HERC3: variants seen among roughly 807,000 people sequenced by gnomAD.
HERC3 encodes probable E3 ubiquitin-protein ligase HERC3.
In HERC3, 58 loss-of-function variants were observed where a neutral mutation model predicts 129.9. That is an observed-to-expected ratio of 0.45 (90% CI 0.36 to 0.56). The LOEUF (loss-of-function observed/expected upper bound fraction) is 0.56. Ranked by LOEUF, HERC3 falls within the 20% of genes least tolerant of loss-of-function variation. The probability of loss-of-function intolerance (pLI) is 0.00; values close to 1 mark genes in which losing one functional copy is unlikely to be tolerated. For synonymous variants in HERC3, 430 were observed against 451.0 expected (o/e 0.95, Z 0.59); for missense variants, 835 against 1,244.2 (o/e 0.67, Z 4.95).
intron 3 of HERC3, among the ~76,000 whole-genome samples, chr4:88,647,064 G>T (rs574256068): frequency 1.3e-5 from 2 of 152,284 alleles, no homozygotes; most frequent in South Asian, 4.1e-4. Flanking sequence ...TGTAAGGAAT[G>T]CTATCAAAGG....
chr4:88,649,017 ATCT>A (rs1372849586), intron 3 of HERC3, among the ~76,000 whole-genome samples: 1 of 152,088 alleles, frequency 6.6e-6, no homozygotes, highest in Admixed American at 6.5e-5. Context: ...GAGTGGAAAT[ATCT>A]TCTTTGATTT....
chr4:88,640,008 A>G (rs1425897976), intron 3 of HERC3, among the ~76,000 whole-genome samples: 3 of 152,252 alleles, frequency 2.0e-5, no homozygotes, highest in Non-Finnish European at 2.9e-5. Context: ...AGAGAAATGC[A>G]GATCAAAACC....
chr4:88,617,200 A>T (rs2915429), intron 3 of HERC3, among the ~76,000 whole-genome samples: 53 of 145,638 alleles, frequency 3.6e-4, no homozygotes, highest in East Asian at 1.6e-3. Flanking sequence ...AAAAAAAAAA[A>T]AGAAATTGAG....
chr4:88,611,611 C>G (rs1350946939), intron 3 of HERC3, among the ~76,000 whole-genome samples: 3 of 152,164 alleles, frequency 2.0e-5, no homozygotes, highest in Admixed American at 6.5e-5. Context: ...TCCTCTAAGG[C>G]TTTGAGAGTG....
chr4:88,680,738 T>A (rs1732688078), intron 20 of HERC3, among the ~76,000 whole-genome samples: 1 of 152,242 alleles, frequency 6.6e-6, no homozygotes, highest in Non-Finnish European at 1.5e-5. Flanking sequence ...CACTAGGCAC[T>A]AGCCACATGT....
At chr4:88,622,993 G>A (rs1376756012) in intron 3 of HERC3, among the ~76,000 whole-genome samples, 1 of 152,092 alleles carries the variant, frequency 6.6e-6, no homozygotes, top group East Asian at 1.9e-4. Context: ...TTATTGCGAG[G>A]ATTAATTGAG....
Position 88,682,772 on chromosome 4 carries a change from G to A in HERC3, c.2507+1447G>A, listed in dbSNP as rs562554727. Among the ~76,000 whole-genome samples the A allele has an allele frequency of 8.3e-3, 1,262 of 152,072 alleles. 21 individuals are homozygous for A. The highest frequency in any genetic ancestry group is 0.029 in the African/African-American group (1,201 of 41,446). On this transcript the variant is annotated intron_variant, in intron 21 of 25. Coordinates refer to ENST00000402738, the MANE Select transcript of HERC3 (RefSeq NM_014606.3). ...AGTCTTTGCTATTGTGAATAGTGCC[G>A]CAATAAACATACGTGTGCATGTGTC... is the stretch of plus-strand genomic sequence containing the variant.
the HERC3 span, among the ~76,000 whole-genome samples, chr4:88,530,315 C>T: frequency 6.6e-6 from 1 of 152,016 alleles, no homozygotes; most frequent in Non-Finnish European, 1.5e-5. Flanking sequence ...AAAGCTATCC[C>T]TATTTTCAAG....
intron 13 of HERC3, 48 bp downstream of exon 13, chr4:88,667,536 A>T (rs183455248): frequency 9.9e-7 from 1 of 1,009,894 alleles, no homozygotes. Flanking sequence ...GCATTTTTGT[A>T]TCGATGAATT....
chr4:88,582,608 A>G, the HERC3 span, among the ~76,000 whole-genome samples: 1 of 152,378 alleles, frequency 6.6e-6, no homozygotes, highest in Non-Finnish European at 1.5e-5. Context: ...CAACCAGTCA[A>G]GATTAGTCAC....
chr4:88,609,112 CAAAAAA>C (rs35489177), intron 3 of HERC3, among the ~76,000 whole-genome samples: 1 of 89,746 alleles, frequency 1.1e-5, no homozygotes. Flanking sequence ...CATACAGATG[CAAAAAA>C]AAAAAAAAAA....
chr4:88,666,304 A>G (rs1043322018), intron 12 of HERC3, among the ~76,000 whole-genome samples: 4 of 152,160 alleles, frequency 2.6e-5, no homozygotes, highest in Admixed American at 6.6e-5. Flanking sequence ...CAAAATGAAG[A>G]CCAGATTTAC....
At chr4:88,652,245 T>TA (rs1468370152) in intron 5 of HERC3, among the ~76,000 whole-genome samples, 157 bp downstream of exon 5, 9 of 152,250 alleles carry the variant, frequency 5.9e-5, no homozygotes, top group Admixed American at 3.3e-4. Flanking sequence ...GGGCTTTGCA[T>TA]AGCTCATCCT....
At chr4:88,698,163 A>G (rs1734873694) in intron 23 of HERC3, among the ~76,000 whole-genome samples, 1 of 152,128 alleles carries the variant, frequency 6.6e-6, no homozygotes, top group South Asian at 2.1e-4. Context: ...AGGCCCTTCT[A>G]CAAATGCCAG....
the HERC3 span, among the ~76,000 whole-genome samples, chr4:88,584,588 C>T: frequency 5.3e-5 from 8 of 152,106 alleles, no homozygotes; most frequent in African/African-American, 1.9e-4. Flanking sequence ...GTTGTCACAG[C>T]GGGGGATTAA....
At chr4:88,555,197 T>A in the HERC3 span, among the ~76,000 whole-genome samples, 2 of 150,990 alleles carry the variant, frequency 1.3e-5, no homozygotes, top group African/African-American at 4.9e-5. Context: ...GCAGGAGAAC[T>A]GCTTGAACCT....
the HERC3 span, among the ~76,000 whole-genome samples, chr4:88,587,069 A>C: frequency 2.6e-5 from 4 of 152,350 alleles, no homozygotes; most frequent in South Asian, 2.1e-4. Flanking sequence ...AAGTAAATAC[A>C]ATGGCAGATT....
At position 88,605,943 on chromosome 4, in the gene HERC3, C is replaced by A; in HGVS notation, c.120C>A (p.Ala40=). 6.2e-7 allele frequency: 1 copy of A among 1,614,098 alleles called. No individual in the cohort carries two copies. Among genetic ancestry groups the A allele is most frequent in the Non-Finnish European group, 8.5e-7 (1 of 1,180,024 alleles). The stretch of plus-strand genomic sequence containing the variant: ...CTGACAGAAGTGTCAAGGAAGTGGC[C>A]TGTGGGGGAAACCACTCTGTGTTCC... ...FISDRSVKEV[A]CGGNHSVFLL... is the part of the protein sequence containing the mutation. Residue 40 remains alanine, a synonymous_variant, in exon 3 of 26, where the codon GCC becomes GCA. Coordinates refer to ENST00000402738, the MANE Select transcript of HERC3 (RefSeq NM_014606.3).
In HERC3 at chr4:88,654,141, G is replaced by T; in HGVS notation, c.777+8G>T. The T allele has an allele frequency of 6.2e-7, 1 of 1,600,058 alleles. No individual in the cohort carries two copies. The highest frequency in any genetic ancestry group is 1.7e-4 in the Middle Eastern group (1 of 6,032). The stretch of plus-strand genomic sequence containing the variant: ...ACAGCAGTTCTCACAAAGGTAAGGA[G>T]CTCAGAGTATTTTACTTTGGTGCTG... On this transcript the variant is annotated splice_region_variant and intron_variant, in intron 7 of 25. Coordinates refer to ENST00000402738, the MANE Select transcript of HERC3 (RefSeq NM_014606.3).
Sources: gnomAD v4.1 joint callset for allele counts (sites outside exome capture counted in the v4.1 genomes callset) on GRCh38, gnomAD v4.1.1 for gene constraint, MANE v1.5 for transcripts, NCBI Gene and HGNC (gene_info 2026-07-23, HGNC 2026-07-21) for gene names.